Variants in EPHA8 observed in about 807,000 individuals in gnomAD.
EPHA8 encodes ephrin type-A receptor 8.
Under a neutral mutation model 103.6 loss-of-function variants are expected in EPHA8, and 58 were observed. The observed-to-expected ratio is 0.56, with a 90% CI of 0.45 to 0.70. EPHA8 has a LOEUF of 0.70. Ranked by LOEUF, EPHA8 falls within the 30% of genes least tolerant of loss-of-function variation. The probability of loss-of-function intolerance (pLI) is 0.00; values close to 1 mark genes in which losing one functional copy is unlikely to be tolerated. For missense variants in EPHA8, 1,304 were observed against 1,395.2 expected (o/e 0.93, Z 1.04); for synonymous variants, 559 against 572.5 (o/e 0.98, Z 0.34).
Position 22,602,056 on chromosome 1 carries a change from G to T in EPHA8, c.*315G>T. 1 of 481,476 alleles carries T rather than the reference G, an allele frequency of 2.1e-6. No homozygotes were observed. The highest frequency in any genetic ancestry group is 3.7e-6 in the Non-Finnish European group (1 of 272,964). The allele number at this position is 481,476 out of a possible 1,614,324, so 29.8% of individuals were successfully genotyped here. Reference sequence around the variant, plus strand: ...CGCCTGCCTCTGTGTGCGTGCATGTGTGTGTGTGGTGGGGGGTGTTCTCAC... The same window carrying T: ...CGCCTGCCTCTGTGTGCGTGCATGTTTGTGTGTGGTGGGGGGTGTTCTCAC... On this transcript the variant is annotated 3_prime_UTR_variant, in exon 17 of 17. Coordinates refer to ENST00000166244, the MANE Select transcript of EPHA8 (RefSeq NM_020526.5).
At chr1:22,585,469 A>G (rs1641176445) in intron 3 of EPHA8, among the ~76,000 whole-genome samples, 1 of 152,192 alleles carries the variant, frequency 6.6e-6, no homozygotes, top group Non-Finnish European at 1.5e-5. Context: ...TCCTCTGGGA[A>G]GTAGCTCCTC....
At position 22,598,789 on chromosome 1, in the gene EPHA8, C is replaced by T. The variant is rs748155876; in HGVS notation, c.2179-49C>T. 5.7e-6 allele frequency: 9 copies of T among 1,587,534 alleles called. No individual in the cohort carries two copies. The highest frequency in any genetic ancestry group is 7.7e-6 in the Non-Finnish European group (9 of 1,162,936). On this transcript the variant is annotated intron_variant, in intron 12 of 16. Coordinates refer to ENST00000166244, the MANE Select transcript of EPHA8 (RefSeq NM_020526.5). This position sits in a 1 kb window ranked among gnomAD's most constrained non-coding sequence, Gnocchi z 5.1. ...ATGGGAGGTGTTCCTGTTCACGGAC[C>T]AGGCGCCTCGCCGGGCTTTCCTGAA...
chr1:22,597,567 T>C lies in EPHA8; in HGVS notation c.1930+91T>C, dbSNP rs551128370. 110 of 1,562,986 alleles carry C rather than the reference T, an allele frequency of 7.0e-5. No individual in the cohort carries two copies. The East Asian group carries it at 2.3e-3, about 33-fold the overall frequency. On this transcript the variant is annotated intron_variant, in intron 10 of 16. Coordinates refer to ENST00000166244, the MANE Select transcript of EPHA8 (RefSeq NM_020526.5). The surrounding 1 kb of genome is among the most constrained non-coding windows in gnomAD (Gnocchi z 4.6). ...GGGGGCACCCAGGGCAGAGGGAGCG[T>C]GTGACCCAGGGGTCTGGCAAGCCCA...
chr1:22,602,119 G>A lies in EPHA8; in HGVS notation c.*378G>A, dbSNP rs540227480. 2 of 330,314 alleles carry A rather than the reference G, an allele frequency of 6.1e-6. No homozygotes were observed. Among genetic ancestry groups the A allele is most frequent in the East Asian group, 7.6e-5 (1 of 13,202 alleles). The allele number at this position is 330,314 out of a possible 1,614,324, so 20.5% of individuals were successfully genotyped here. A position where few individuals can be genotyped will look rare whatever the true frequency, so the allele number is the denominator to read the frequency against. ...TCTCATGTGAACAGTGTGTGATCAA[G>A]TGTGTCCACCCCTTCGGGTCTCAGC... On this transcript the variant is annotated 3_prime_UTR_variant, in exon 17 of 17. Transcript: ENST00000166244.
At chr1:22,591,747 T>C (rs1641377585) in intron 5 of EPHA8, among the ~76,000 whole-genome samples, 1 of 152,184 alleles carries the variant, frequency 6.6e-6, no homozygotes, top group Non-Finnish European at 1.5e-5. Flanking sequence ...GGTCTTTCCC[T>C]GCTGCTAGGC....
rs12030727 is a variant in EPHA8, at chr1:22,597,925, T to C, written c.2116+64T>C. ...CCTCCTGCCTGGAGAGGCCTCTGGG[T>C]CCATCCCCTCATCCATCCTGCTCTG... On this transcript the variant is annotated intron_variant, in intron 11 of 16. Transcript: ENST00000166244. This position sits in a 1 kb window ranked among gnomAD's most constrained non-coding sequence, Gnocchi z 4.6. 0.16 allele frequency: 257,448 copies of C among 1,560,366 alleles called. 22,332 individuals are homozygous for C. The highest frequency in any genetic ancestry group is 0.26 in the African/African-American group (19,404 of 73,768).
chr1:22,573,085 G>A (rs1449343585), intron 2 of EPHA8, among the ~76,000 whole-genome samples: 3 of 152,214 alleles, frequency 2.0e-5, no homozygotes, highest in South Asian at 4.1e-4. Flanking sequence ...CAGATGTGAC[G>A]CTGTGCTGCT....
chr1:22,600,634 CCCT>C, intron 13 of EPHA8, 24 bp from the exon 14 acceptor site: 1 of 1,610,658 alleles, frequency 6.2e-7, no homozygotes, highest in Non-Finnish European at 8.5e-7. Flanking sequence ...CCTGGGCAGC[CCCT>C]CAACTCTTGT....
At position 22,589,169 on chromosome 1, in the gene EPHA8, CCGGG is replaced by C. The variant is rs1464290545; in HGVS notation, c.1280_1283del (p.Arg427ProfsTer18). 6.2e-7 allele frequency: 1 copy of C among 1,613,880 alleles called. No homozygotes were observed. The highest frequency in any genetic ancestry group is 1.1e-5 in the South Asian group (1 of 91,068). ...TGTCCGACCTGAGCCCCGAGCCCCG[CCGGG>C]CCGCTGTGGTCAACATCACCACGAA... On this transcript the variant is annotated frameshift_variant, in exon 5 of 17. Transcript: ENST00000166244. LOFTEE classifies it high-confidence loss of function. The surrounding 1 kb of genome is among the most constrained non-coding windows in gnomAD (Gnocchi z 4.3).
intron 1 of EPHA8, among the ~76,000 whole-genome samples, chr1:22,566,715 C>T (rs1289832268): frequency 6.6e-6 from 1 of 152,162 alleles, no homozygotes; most frequent in Non-Finnish European, 1.5e-5. Flanking sequence ...GCTGCGGTGA[C>T]CAGAGGGTCT....
intron 3 of EPHA8, among the ~76,000 whole-genome samples, chr1:22,585,678 G>C (rs1313270053): frequency 6.6e-6 from 1 of 152,212 alleles, no homozygotes; most frequent in African/African-American, 2.4e-5. Context: ...AGGGCTGGAA[G>C]CCAAGTCTGC....
In EPHA8 at chr1:22,589,399, TAAG is replaced by T; in HGVS notation, c.1315+194_1315+196del. On this transcript the variant is annotated intron_variant, in intron 5 of 16. Coordinates refer to ENST00000166244, the MANE Select transcript of EPHA8 (RefSeq NM_020526.5). The surrounding 1 kb of genome is among the most constrained non-coding windows in gnomAD (Gnocchi z 4.3). ...CTTTAGAAAAGTGGAACACATTCTA[TAAG>T]TAAGAGAAATCCCAAAAGCTCAGAG... The T allele has an allele frequency of 2.7e-6, 4 of 1,491,760 alleles. No homozygotes were observed. In the South Asian group the frequency reaches 4.0e-5, roughly 15 times the overall value. The allele number at this position is 1,491,760 out of a possible 1,614,324, so 92.4% of individuals were successfully genotyped here.
chr1:22,580,104 GCT>G (rs1458531761), intron 3 of EPHA8, among the ~76,000 whole-genome samples: 1 of 149,940 alleles, frequency 6.7e-6, no homozygotes, highest in Non-Finnish European at 1.5e-5. Flanking sequence ...CTTCCCGGAG[GCT>G]CTCTGGTTTT....
At chr1:22,587,160 T>C (rs983045645) in intron 4 of EPHA8, among the ~76,000 whole-genome samples, 2 of 152,236 alleles carry the variant, frequency 1.3e-5, no homozygotes, top group African/African-American at 4.8e-5. Context: ...GCAGTGATTG[T>C]GTGTTAGCGT....
chr1:22,601,617 TC>T lies in EPHA8; in HGVS notation c.2904-8del, dbSNP rs1211842191. 3.8e-6 allele frequency: 6 copies of T among 1,586,742 alleles called. No individual in the cohort carries two copies. Among genetic ancestry groups the T allele is most frequent in the Non-Finnish European group, 8.6e-7 (1 of 1,166,840 alleles). On this transcript the variant is annotated splice_polypyrimidine_tract_variant and intron_variant, in intron 16 of 16. Transcript: ENST00000166244. ...AGGCCCAGCTGGCCAGCAGCACCCTTCCTTCACAGGGACGTGCGCGCCCTGG... is the reference window on the plus strand; with the variant it reads ...AGGCCCAGCTGGCCAGCAGCACCCTTCTTCACAGGGACGTGCGCGCCCTGG...
In EPHA8 at chr1:22,603,476, A is replaced by G. The variant is rs1641797260; in HGVS notation, c.*1735A>G. On this transcript the variant is annotated 3_prime_UTR_variant, in exon 17 of 17. Coordinates refer to ENST00000166244, the MANE Select transcript of EPHA8 (RefSeq NM_020526.5). ...GCACCGTGGGCCTGGCACTTGCAAA[A>G]GTGTGGCCCCTCACTCTAGTGTGTG... is the stretch of plus-strand genomic sequence containing the variant. 1 of 151,844 alleles carries G rather than the reference A, an allele frequency of 6.6e-6. No homozygotes were observed. The highest frequency in any genetic ancestry group is 2.4e-5 in the African/African-American group (1 of 41,116). The allele number at this position is 151,844 out of a possible 1,614,324, so 9.4% of individuals were successfully genotyped here. A position where few individuals can be genotyped will look rare whatever the true frequency, so the allele number is the denominator to read the frequency against.
chr1:22,588,641 T>G (rs1641284845), intron 4 of EPHA8, among the ~76,000 whole-genome samples: 1 of 138,684 alleles, frequency 7.2e-6, no homozygotes, highest in South Asian at 2.7e-4. Context: ...GGGGATGGGG[T>G]CCCAGGGTTC....
intron 5 of EPHA8, among the ~76,000 whole-genome samples, chr1:22,592,575 C>A (rs962439074): frequency 1.3e-5 from 2 of 152,160 alleles, no homozygotes; most frequent in African/African-American, 4.8e-5. Context: ...GTGTGCAGTC[C>A]CTGCCCCCAG....
In EPHA8 at chr1:22,594,467, AACTCTG is replaced by A. The variant is rs1460522118; in HGVS notation, c.1604-762_1604-757del. Among the ~76,000 whole-genome samples the A allele has an allele frequency of 7.2e-5, 11 of 152,318 alleles. 1 individual carries two copies. The highest frequency in any genetic ancestry group is 2.6e-4 in the African/African-American group (11 of 41,574). On this transcript the variant is annotated intron_variant, in intron 7 of 16. Transcript: ENST00000166244. ...CCAGTCCTCACCCCAGCCCTTCAGA[AACTCTG>A]TGGGTGGGCCCAGCCATTTGGGTTT... is the stretch of plus-strand genomic sequence containing the variant.
Sources: gnomAD v4.1 joint callset for allele counts (sites outside exome capture counted in the v4.1 genomes callset) on GRCh38, gnomAD v4.1.1 for gene constraint, Gnocchi (gnomAD v3.1) non-coding constraint, MANE v1.5 for transcripts, NCBI Gene and HGNC (gene_info 2026-07-23, HGNC 2026-07-21) for gene names.